SPATA33: variants seen among roughly 807,000 people sequenced by gnomAD.
SPATA33 encodes spermatogenesis associated 33, also known as spermatogenesis-associated protein 33.
SPATA33 carries 10 observed loss-of-function variants against 8.9 expected under a neutral mutation model. That is an observed-to-expected ratio of 1.12 (90% CI 0.69 to 1.90). SPATA33 has a LOEUF of 1.90. Among genes scored for constraint, SPATA33 ranks in the 40% most tolerant of loss-of-function variants. The pLI is 0.00. For missense variants in SPATA33, 241 were observed against 178.3 expected (o/e 1.35, Z -2.00); for synonymous variants, 96 against 72.8 (o/e 1.32, Z -1.63).
chr16:89,666,256 G>C (rs924902377), intron 2 of SPATA33, among the ~76,000 whole-genome samples: 2 of 152,142 alleles, frequency 1.3e-5, no homozygotes, highest in African/African-American at 4.8e-5. Flanking sequence ...ACTCAGTGAG[G>C]TCCGAGGATC....
chr16:89,665,509 T>C (rs1292412780), intron 2 of SPATA33, among the ~76,000 whole-genome samples: 4 of 149,522 alleles, frequency 2.7e-5, no homozygotes, highest in South Asian at 4.3e-4. Flanking sequence ...AGAGATGGGG[T>C]TTCACTATGT....
Position 89,669,299 on chromosome 16 carries a change from A to G in SPATA33, c.225A>G (p.Val75=). ...TTTTTCCTCTAGAGAAACCTGATGTAAAGCAAAAGTCCAGCAGGAAGAAAG... is the reference window on the plus strand; with the variant it reads ...TTTTTCCTCTAGAGAAACCTGATGTGAAGCAAAAGTCCAGCAGGAAGAAAG... ...PAASLEEKPD[V]KQKSSRKKVV... Residue 75 remains valine, a synonymous_variant, in exon 3 of 3, where the codon GTA becomes GTG. Coordinates refer to ENST00000579310, the MANE Select transcript of SPATA33 (RefSeq NM_001271907.2). The G allele has an allele frequency of 6.2e-7, 1 of 1,614,212 alleles. No homozygotes were observed. The highest frequency in any genetic ancestry group is 1.3e-5 in the African/African-American group (1 of 75,062).
chr16:89,660,455 A>T (rs1185010938), intron 2 of SPATA33: 32 of 1,231,592 alleles, frequency 2.6e-5, no homozygotes, highest in Non-Finnish European at 3.2e-5. Context: ...TGGGGGAGGA[A>T]GGTGGACATG....
At chr16:89,658,792 A>T (rs947376911) in intron 2 of SPATA33, 2 of 271,484 alleles carry the variant, frequency 7.4e-6, no homozygotes, top group African/African-American at 4.3e-5. Context: ...CCCAGGCTGG[A>T]CTGTAGCTCT....
chr16:89,668,584 G>T (rs543741200), intron 2 of SPATA33, among the ~76,000 whole-genome samples: 80 of 151,954 alleles, frequency 5.3e-4, no homozygotes, highest in African/African-American at 1.9e-3. Flanking sequence ...GGGGCGGGCG[G>T]CTGTGCCCGA....
At chr16:89,665,642 T>C (rs258318) in intron 2 of SPATA33, among the ~76,000 whole-genome samples, 129,146 of 152,204 alleles carry the variant, frequency 0.85, 55,155 homozygotes, top group Non-Finnish European at 0.91. Context: ...AAACTATACT[T>C]TGAGGAAGAT....
At chr16:89,667,397 G>C (rs543929704) in intron 2 of SPATA33, among the ~76,000 whole-genome samples, 24 of 152,186 alleles carry the variant, frequency 1.6e-4, no homozygotes, top group African/African-American at 5.8e-4. Flanking sequence ...ATTAATTAAT[G>C]ATATTCATAT....
chr16:89,658,541 G>T, intron 2 of SPATA33, 120 bp downstream of exon 2: 2 of 1,331,936 alleles, frequency 1.5e-6, no homozygotes, highest in South Asian at 2.9e-5. Context: ...GCGCCGTAAA[G>T]ATGAAACTGG....
intron 2 of SPATA33, chr16:89,661,249 A>G: frequency 1.0e-6 from 1 of 979,758 alleles, no homozygotes; most frequent in East Asian, 1.1e-4. Context: ...CTCATTTTGA[A>G]TTCCCACATG....
At chr16:89,664,415 TGGGTG>T (rs1160527431) in intron 2 of SPATA33, among the ~76,000 whole-genome samples, 1 of 152,106 alleles carries the variant, frequency 6.6e-6, no homozygotes, top group Non-Finnish European at 1.5e-5. Context: ...CCCTCGAGTG[TGGGTG>T]GAATGAGGAA....
intron 2 of SPATA33, among the ~76,000 whole-genome samples, chr16:89,668,439 T>TA (rs1355967125): frequency 6.6e-6 from 1 of 150,594 alleles, no homozygotes; most frequent in Non-Finnish European, 1.5e-5. Context: ...CCACTGTAGT[T>TA]ACGTTTCTGT....
chr16:89,662,142 A>G (rs2059973181), intron 2 of SPATA33, among the ~76,000 whole-genome samples: 1 of 151,968 alleles, frequency 6.6e-6, no homozygotes, highest in South Asian at 2.1e-4. Context: ...AAATACAAAA[A>G]AATTAGCTGG....
intron 2 of SPATA33, among the ~76,000 whole-genome samples, chr16:89,662,259 A>T (rs1195306383): frequency 6.6e-6 from 1 of 150,610 alleles, no homozygotes; most frequent in Non-Finnish European, 1.5e-5. Flanking sequence ...ATCCCACTGC[A>T]CTCCAGCCTG....
chr16:89,663,564 A>G (rs564289624), intron 2 of SPATA33, among the ~76,000 whole-genome samples: 3 of 152,212 alleles, frequency 2.0e-5, no homozygotes, highest in Non-Finnish European at 2.9e-5. Context: ...TTTCTGTAAC[A>G]TTCTCTGAAT....
In SPATA33 at chr16:89,667,074, T is replaced by C. The variant is rs2060036008; in HGVS notation, c.212-2212T>C. The stretch of plus-strand genomic sequence containing the variant: ...AGAGGTGGAGGAGCAGAGTTTTCTC[T>C]AAACTCCCCTGGGGAAAGGGAGACT... On this transcript the variant is annotated intron_variant, in intron 2 of 2. Transcript: ENST00000579310. 3.3e-5 allele frequency among the ~76,000 whole-genome samples: 5 copies of C among 152,308 alleles called. No individual in the cohort carries two copies. In the South Asian group the frequency reaches 1.0e-3, roughly 32 times the overall value.
intron 2 of SPATA33, among the ~76,000 whole-genome samples, chr16:89,667,257 A>G (rs555010136): frequency 6.6e-6 from 1 of 152,320 alleles, no homozygotes; most frequent in African/African-American, 2.4e-5. Context: ...CAAAAGGCTC[A>G]CACTCTTGTC....
chr16:89,664,362 C>T (rs1367261340), intron 2 of SPATA33, among the ~76,000 whole-genome samples: 2 of 151,982 alleles, frequency 1.3e-5, no homozygotes, highest in Non-Finnish European at 2.9e-5. Context: ...TCAAGACAGC[C>T]CACACGATCC....
intron 2 of SPATA33, among the ~76,000 whole-genome samples, chr16:89,664,061 G>T (rs1037133794): frequency 5.3e-4 from 81 of 152,304 alleles, no homozygotes; most frequent in African/African-American, 1.9e-3. Context: ...TGGGGCTGCA[G>T]TGAGCCAAGA....
chr16:89,657,782 C>T (rs763037005), upstream of SPATA33: 77 of 1,455,180 alleles, frequency 5.3e-5, no homozygotes, highest in Admixed American at 1.9e-3. Flanking sequence ...CGGGGCGCGG[C>T]TGCGCGGCGC....
Sources: allele counts gnomAD v4.1 joint callset (sites outside exome capture counted in the v4.1 genomes callset), GRCh38; gene constraint gnomAD v4.1.1; transcripts MANE v1.5; gene names NCBI Gene and HGNC (gene_info 2026-07-23, HGNC 2026-07-21).